CNTN5: variants seen among roughly 807,000 people sequenced by gnomAD.
CNTN5 encodes the protein contactin 5, also known as contactin-5.
CNTN5 carries 77 observed loss-of-function variants against 129.1 expected under a neutral mutation model. The observed-to-expected ratio is 0.60, with a 90% CI of 0.50 to 0.72. The LOEUF (loss-of-function observed/expected upper bound fraction) is 0.72, where lower values mean the gene tolerates loss of function less well. Ranked by LOEUF, CNTN5 falls within the 30% of genes least tolerant of loss-of-function variation. The pLI is 0.00. For synonymous variants in CNTN5, 509 were observed against 465.6 expected, an observed-to-expected ratio of 1.09 and a Z score of -1.20; for missense variants, 1,478 against 1,328.8, an observed-to-expected ratio of 1.11 and a Z score of -1.75.
At chr11:99,585,340 G>C (rs980210465) in intron 3 of CNTN5, among the ~76,000 whole-genome samples, 3 of 151,984 alleles carry the variant, frequency 2.0e-5, no homozygotes, top group Non-Finnish European at 4.4e-5. Flanking sequence ...GTTTTCTTTA[G>C]CTGCTTCAAA....
chr11:99,895,806 C>G (rs1266609472), intron 6 of CNTN5, among the ~76,000 whole-genome samples: 1 of 152,164 alleles, frequency 6.6e-6, no homozygotes. Context: ...ACCAACCCCA[C>G]AAGCTTTTGG....
chr11:99,059,044 C>T (rs991535719), intron 1 of CNTN5, among the ~76,000 whole-genome samples: 1 of 147,426 alleles, frequency 6.8e-6, no homozygotes, highest in African/African-American at 2.5e-5. Flanking sequence ...TCCCTCCCTC[C>T]CTCCTTCCTT....
intron 4 of CNTN5, among the ~76,000 whole-genome samples, chr11:99,828,066 T>G (rs758128010): frequency 6.6e-6 from 1 of 152,206 alleles, no homozygotes; most frequent in Non-Finnish European, 1.5e-5. Flanking sequence ...ATAAGTATGA[T>G]TGTATAGCAC....
At chr11:99,024,128 G>C (rs951731369) in intron 1 of CNTN5, among the ~76,000 whole-genome samples, 1 of 152,080 alleles carries the variant, frequency 6.6e-6, no homozygotes, top group African/African-American at 2.4e-5. Flanking sequence ...AAAAAGTAAT[G>C]AAGTATATAA....
chr11:99,352,561 C>T (rs1247547999), intron 2 of CNTN5, among the ~76,000 whole-genome samples: 1 of 151,862 alleles, frequency 6.6e-6, no homozygotes, highest in Non-Finnish European at 1.5e-5. Flanking sequence ...AGCCCCTATT[C>T]CTAAAGTTGA....
chr11:100,262,781 G>A (rs571563184), intron 17 of CNTN5, among the ~76,000 whole-genome samples: 149 of 152,252 alleles, frequency 9.8e-4, no homozygotes, highest in Admixed American at 2.6e-3. Context: ...ACACACTGGG[G>A]CCTGCCAGGG....
chr11:99,115,676 C>G (rs977137950), intron 1 of CNTN5, among the ~76,000 whole-genome samples: 8 of 152,136 alleles, frequency 5.3e-5, no homozygotes, highest in African/African-American at 1.9e-4. Context: ...AGGAGAATCA[C>G]TTGAACCTGG....
At chr11:99,876,664 T>C (rs1007365594) in intron 6 of CNTN5, among the ~76,000 whole-genome samples, 5 of 152,208 alleles carry the variant, frequency 3.3e-5, no homozygotes, top group African/African-American at 7.2e-5. Context: ...TAACATAGTA[T>C]AAAAATTAGC....
intron 13 of CNTN5, among the ~76,000 whole-genome samples, chr11:100,113,441 A>C (rs1220589705): frequency 2.8e-5 from 4 of 144,984 alleles, no homozygotes; most frequent in African/African-American, 7.6e-5. Context: ...AAAAAAAAAA[A>C]AAAAAAAAAA....
At chr11:100,066,614 T>G (rs1468868669) in intron 10 of CNTN5, among the ~76,000 whole-genome samples, 1 of 152,136 alleles carries the variant, frequency 6.6e-6, no homozygotes, top group African/African-American at 2.4e-5. Context: ...AAGTGCCATA[T>G]GTCTCTTCAG....
chr11:99,990,570 T>C (rs569395031), intron 8 of CNTN5, among the ~76,000 whole-genome samples: 22 of 152,062 alleles, frequency 1.4e-4, no homozygotes, highest in Admixed American at 5.2e-4. Context: ...ATACTCATAA[T>C]GGTGCATTTA....
chr11:99,228,202 A>T (rs555463362), intron 1 of CNTN5, among the ~76,000 whole-genome samples: 35 of 152,234 alleles, frequency 2.3e-4, no homozygotes, highest in Middle Eastern at 6.8e-3. Flanking sequence ...ATATTATTTT[A>T]TATAGATGTA....
At chr11:99,092,905 A>AT (rs534853368) in intron 1 of CNTN5, among the ~76,000 whole-genome samples, 27 of 152,060 alleles carry the variant, frequency 1.8e-4, no homozygotes, top group African/African-American at 4.8e-4. Flanking sequence ...CTTTATAATA[A>AT]TTTTTTTGAG....
chr11:99,029,261 G>A (rs1031167416), intron 1 of CNTN5, among the ~76,000 whole-genome samples: 5 of 151,306 alleles, frequency 3.3e-5, no homozygotes, highest in Non-Finnish European at 5.9e-5. Context: ...TTCTAATTGT[G>A]GAAGGGGATA....
chr11:99,208,462 C>T (rs1018592844), intron 1 of CNTN5, among the ~76,000 whole-genome samples: 1 of 152,064 alleles, frequency 6.6e-6, no homozygotes, highest in Non-Finnish European at 1.5e-5. Context: ...AAGGGTCATA[C>T]TTATTACCAA....
intron 21 of CNTN5, among the ~76,000 whole-genome samples, chr11:100,332,355 A>C (rs1005851411): frequency 6.9e-6 from 1 of 145,318 alleles, no homozygotes; most frequent in African/African-American, 2.4e-5. Flanking sequence ...AATTGCCAAC[A>C]AAAAAAAAGT....
chr11:99,493,318 A>G (rs927734470), intron 2 of CNTN5, among the ~76,000 whole-genome samples: 1 of 152,246 alleles, frequency 6.6e-6, no homozygotes, highest in South Asian at 2.1e-4. Context: ...AATGATTACA[A>G]TTAATCTTAG....
intron 3 of CNTN5, among the ~76,000 whole-genome samples, chr11:99,764,261 A>C (rs974542668): frequency 6.6e-6 from 1 of 152,042 alleles, no homozygotes; most frequent in Non-Finnish European, 1.5e-5. Context: ...GGCTTGGAAC[A>C]CAAATTTGAA....
intron 3 of CNTN5, among the ~76,000 whole-genome samples, chr11:99,756,016 G>A (rs1944393536): frequency 6.6e-6 from 1 of 151,990 alleles, no homozygotes; most frequent in African/African-American, 2.4e-5. Flanking sequence ...CTATATCCTT[G>A]CATACATTTA....
Sources: allele counts gnomAD v4.1 joint callset (sites outside exome capture counted in the v4.1 genomes callset), GRCh38; gene constraint gnomAD v4.1.1; transcripts MANE v1.5; gene names NCBI Gene and HGNC (gene_info 2026-07-23, HGNC 2026-07-21).